The following TXNL4A variants were observed in gnomAD, a reference collection of about 807,000 sequenced individuals.
TXNL4A encodes the protein thioredoxin-like protein 4A.
A neutral mutation model predicts 14.6 loss-of-function variants in TXNL4A; 17 were observed. The observed-to-expected ratio is 1.16, with a 90% CI of 0.80 to 1.74. The LOEUF is 1.74. TXNL4A is among the 40% of genes most tolerant of loss of function. The pLI is 0.00. For missense variants in TXNL4A, 74 were observed against 195.2 expected (o/e 0.38, Z 3.70); for synonymous variants, 83 against 70.6 (o/e 1.18, Z -0.88).
intron 1 of TXNL4A, among the ~76,000 whole-genome samples, chr18:80,014,810 T>A (rs935691011): frequency 3.3e-5 from 5 of 152,230 alleles, no homozygotes; most frequent in Non-Finnish European, 7.3e-5. Context: ...GCAGAGGTTC[T>A]CCATGAGCGC....
intron 1 of TXNL4A, among the ~76,000 whole-genome samples, chr18:80,025,238 A>C (rs1364290038): frequency 6.6e-6 from 1 of 152,202 alleles, no homozygotes; most frequent in Non-Finnish European, 1.5e-5. Flanking sequence ...TCATCTCCCT[A>C]TAGGAGGCAA....
chr18:80,026,254 T>C (rs1273091432), intron 1 of TXNL4A, among the ~76,000 whole-genome samples: 2 of 152,198 alleles, frequency 1.3e-5, no homozygotes, highest in East Asian at 1.9e-4. Flanking sequence ...GAGTTATGCA[T>C]GTACAGCTAA....
At chr18:80,028,692 T>C (rs570240947) in intron 1 of TXNL4A, among the ~76,000 whole-genome samples, 12 of 152,234 alleles carry the variant, frequency 7.9e-5, no homozygotes, top group African/African-American at 2.6e-4. Context: ...AGTGGCCGAG[T>C]TGATTGCCCT....
upstream of TXNL4A, among the ~76,000 whole-genome samples, chr18:79,989,923 G>T (rs190549239): frequency 0.011 from 1,618 of 152,310 alleles, 11 homozygotes; most frequent in Non-Finnish European, 0.017. Flanking sequence ...TTGAACCCAG[G>T]GGGTGGAGGT....
chr18:80,001,228 G>T (rs1161183242), intron 1 of TXNL4A, among the ~76,000 whole-genome samples: 1 of 152,228 alleles, frequency 6.6e-6, no homozygotes, highest in Non-Finnish European at 1.5e-5. Context: ...GAGCCTGTGG[G>T]TGCACAGAAG....
At chr18:80,003,191 C>T (rs1164140676) in intron 1 of TXNL4A, among the ~76,000 whole-genome samples, 2 of 152,236 alleles carry the variant, frequency 1.3e-5, no homozygotes, top group Non-Finnish European at 1.5e-5. Context: ...TCAAGTCCAG[C>T]GCTGGGTGGC....
At position 80,011,168 on chromosome 18, in the gene TXNL4A, AAT is replaced by A. The variant is rs2051767547; in HGVS notation, c.-61+22681_-61+22682del. On this transcript the variant is annotated intron_variant, in intron 1 of 2. Transcript: ENST00000585474. This position sits in a 1 kb window ranked among gnomAD's most constrained non-coding sequence, Gnocchi z 4.1. ...ATTGAGTATGCAAAGGCCAAACACT[AAT>A]ATAAAACATATAAGGAAAAGAGGTT... Among the ~76,000 whole-genome samples, 1 of 152,194 alleles carries A rather than the reference AAT, an allele frequency of 6.6e-6. No individual in the cohort carries two copies. Among genetic ancestry groups the A allele is most frequent in the East Asian group, 1.9e-4 (1 of 5,194 alleles).
intron 1 of TXNL4A, among the ~76,000 whole-genome samples, chr18:80,031,863 G>A (rs2051923579): frequency 6.6e-6 from 1 of 152,244 alleles, no homozygotes; most frequent in Non-Finnish European, 1.5e-5. Context: ...TCACTGATTG[G>A]TTGAGCAGCT....
chr18:79,973,567 C>T lies in TXNL4A; in HGVS notation c.*118G>A. The T allele has an allele frequency of 7.6e-7, 1 of 1,315,082 alleles. No homozygotes were observed. The highest frequency in any genetic ancestry group is 1.6e-5 in the South Asian group (1 of 63,722). The allele number at this position is 1,315,082 out of a possible 1,614,324, so 81.5% of individuals were successfully genotyped here. A position where few individuals can be genotyped will look rare whatever the true frequency, so the allele number is the denominator to read the frequency against. On this transcript the variant is annotated 3_prime_UTR_variant, in exon 3 of 3. Coordinates refer to ENST00000269601, the MANE Select transcript of TXNL4A (RefSeq NM_006701.5). ...TGAGTTAAGACCATGTTATCAATTC[C>T]ATCTCAGAGGTGCTCCAGCCCTGGA... is the stretch of plus-strand genomic sequence containing the variant.
At chr18:80,019,945 T>C (rs2051837338) in intron 1 of TXNL4A, among the ~76,000 whole-genome samples, 1 of 152,100 alleles carries the variant, frequency 6.6e-6, no homozygotes, top group Admixed American at 6.6e-5. Flanking sequence ...AACCCCAAGA[T>C]AGTGATATGG....
intron 1 of TXNL4A, among the ~76,000 whole-genome samples, chr18:80,009,056 C>G (rs370990442): frequency 6.6e-6 from 1 of 152,212 alleles, no homozygotes; most frequent in Non-Finnish European, 1.5e-5. Context: ...GGATTACAGG[C>G]GTGAGCCACT....
intron 1 of TXNL4A, among the ~76,000 whole-genome samples, chr18:80,013,751 G>T (rs147634946): frequency 9.5e-4 from 145 of 152,316 alleles, no homozygotes; most frequent in African/African-American, 3.4e-3. Context: ...GCCTACTTCT[G>T]TTAAATATTA....
At chr18:79,999,831 C>T (rs760939824) in intron 1 of TXNL4A, among the ~76,000 whole-genome samples, 27 of 152,130 alleles carry the variant, frequency 1.8e-4, no homozygotes, top group South Asian at 4.1e-4. Context: ...AATTGAATCA[C>T]GGGGGCAGTT....
chr18:79,994,378 C>G (rs1003965385), intron 1 of TXNL4A, among the ~76,000 whole-genome samples: 3 of 152,054 alleles, frequency 2.0e-5, no homozygotes, highest in Non-Finnish European at 2.9e-5. Context: ...TACAGGAAGC[C>G]GACAACTTAG....
chr18:80,019,887 C>G (rs925141627), intron 1 of TXNL4A, among the ~76,000 whole-genome samples: 1 of 152,144 alleles, frequency 6.6e-6, no homozygotes, highest in South Asian at 2.1e-4. Flanking sequence ...CCATACCATG[C>G]TTTATTTATA....
chr18:80,023,394 A>G lies in TXNL4A; in HGVS notation c.-61+10457T>C, dbSNP rs544684841. ...AGGGCTTCCCATGGAGAAAAATCCT[A>G]TTCCACTAGGTGGCGCCGTAGGGTT... On this transcript the variant is annotated intron_variant, in intron 1 of 2. Coordinates refer to the TXNL4A transcript ENST00000585474. Among the ~76,000 whole-genome samples, 100 of 152,314 alleles carry G rather than the reference A, an allele frequency of 6.6e-4. 1 individual carries two copies. Among genetic ancestry groups the G allele is most frequent in the Non-Finnish European group, 1.2e-3 (81 of 68,016 alleles).
chr18:80,007,420 A>G (rs572619658), intron 1 of TXNL4A, among the ~76,000 whole-genome samples: 3 of 152,334 alleles, frequency 2.0e-5, no homozygotes, highest in East Asian at 3.9e-4. Context: ...AGAGTCGGAG[A>G]GAAACAGAAC....
At chr18:80,000,509 A>T (rs911358049) in intron 1 of TXNL4A, among the ~76,000 whole-genome samples, 1 of 152,230 alleles carries the variant, frequency 6.6e-6, no homozygotes, top group Non-Finnish European at 1.5e-5. Flanking sequence ...TGTTAATAAG[A>T]TTAAGTTTTT....
rs543738693 is a variant in TXNL4A at position 79,983,061 on chromosome 18, C to T, written c.153+5179G>A. Among the ~76,000 whole-genome samples, 8 of 152,200 alleles carry T rather than the reference C, an allele frequency of 5.3e-5. No homozygotes were observed. The South Asian group carries it at 1.5e-3, about 28-fold the overall frequency. On this transcript the variant is annotated intron_variant, in intron 1 of 2. Transcript: ENST00000269601. The stretch of plus-strand genomic sequence containing the variant: ...TGTCACCCAGGCTGGAGCAGAGTGG[C>T]GTGATCTCGGCTCACTGCAACCTCT...
Sources: allele counts gnomAD v4.1 joint callset (sites outside exome capture counted in the v4.1 genomes callset), GRCh38; gene constraint gnomAD v4.1.1; non-coding constraint Gnocchi (gnomAD v3.1); transcripts MANE v1.5; gene names NCBI Gene and HGNC (gene_info 2026-07-23, HGNC 2026-07-21).